Variants in COL8A1 observed in about 807,000 individuals in gnomAD.
COL8A1 encodes collagen type VIII alpha 1 chain.
Under a neutral mutation model 42.7 loss-of-function variants are expected in COL8A1, and 21 were observed. The ratio of observed to expected loss-of-function variants is 0.49; its 90% CI spans 0.35 to 0.71. The LOEUF is 0.71. Among genes scored for constraint, COL8A1 ranks in the 30% least tolerant of loss-of-function variants. The pLI is 0.01. For missense variants in COL8A1, 788 were observed against 962.4 expected (o/e 0.82, Z 2.40); for synonymous variants, 367 against 369.1 (o/e 0.99, Z 0.06).
intron 1 of COL8A1, among the ~76,000 whole-genome samples, chr3:99,724,282 C>T (rs1413672866): frequency 1.3e-5 from 2 of 152,110 alleles, no homozygotes; most frequent in African/African-American, 4.8e-5. Context: ...GCAGTGAGCA[C>T]TGTGGACAAG....
In COL8A1 at chr3:99,705,023, G is replaced by A. The variant is rs564890408; in HGVS notation, c.-128-39874G>A. Among the ~76,000 whole-genome samples the A allele has an allele frequency of 3.3e-5, 5 of 152,168 alleles. No homozygotes were observed. The South Asian group carries it at 8.3e-4, about 25-fold the overall frequency. On this transcript the variant is annotated intron_variant, in intron 1 of 3. Transcript: ENST00000652472. ...TATTGCAAGGCAGAAGAGGAGCCCA[G>A]CAAGAAATGTACCTTTCAAATTTGA... is the stretch of plus-strand genomic sequence containing the variant.
chr3:99,686,794 G>A (rs1306718217), intron 1 of COL8A1, among the ~76,000 whole-genome samples: 2 of 152,126 alleles, frequency 1.3e-5, no homozygotes, highest in East Asian at 3.9e-4. Context: ...TCCCATCTCA[G>A]CCTCCCAAGT....
At chr3:99,783,860 G>A (rs1050698617) in intron 2 of COL8A1, among the ~76,000 whole-genome samples, 4 of 152,108 alleles carry the variant, frequency 2.6e-5, no homozygotes, top group African/African-American at 7.2e-5. Flanking sequence ...CTCTCTCTAG[G>A]TCCCTCCCTT....
chr3:99,688,400 T>C (rs1939125485), intron 1 of COL8A1, among the ~76,000 whole-genome samples: 1 of 152,164 alleles, frequency 6.6e-6, no homozygotes, highest in African/African-American at 2.4e-5. Flanking sequence ...TGTGGACTCT[T>C]CTTCCAACTT....
chr3:99,646,616 G>A (rs1347605621), intron 1 of COL8A1, among the ~76,000 whole-genome samples: 1 of 152,072 alleles, frequency 6.6e-6, no homozygotes, highest in Non-Finnish European at 1.5e-5. Flanking sequence ...ACTAGGAAGG[G>A]CTCAAAGTAT....
intron 1 of COL8A1, among the ~76,000 whole-genome samples, chr3:99,708,246 G>A (rs1939738170): frequency 6.6e-6 from 1 of 152,148 alleles, no homozygotes; most frequent in South Asian, 2.1e-4. Context: ...GTGGTGAGCA[G>A]GCATCCAAGG....
intron 2 of COL8A1, among the ~76,000 whole-genome samples, chr3:99,748,958 A>T (rs1363415122): frequency 6.6e-6 from 1 of 152,216 alleles, no homozygotes; most frequent in Non-Finnish European, 1.5e-5. Flanking sequence ...CCCATTAAAC[A>T]TTATGAATGA....
At chr3:99,667,890 G>A (rs1938415303) in intron 1 of COL8A1, among the ~76,000 whole-genome samples, 1 of 151,966 alleles carries the variant, frequency 6.6e-6, no homozygotes, top group African/African-American at 2.4e-5. Context: ...TCTCCTTGTA[G>A]AAATAATGCA....
At chr3:99,784,802 C>CT (rs904371928) in intron 2 of COL8A1, among the ~76,000 whole-genome samples, 3 of 152,060 alleles carry the variant, frequency 2.0e-5, no homozygotes, top group Non-Finnish European at 2.9e-5. Flanking sequence ...GTACCTGGGA[C>CT]TTTTTTCCAG....
Position 99,794,468 on chromosome 3 carries a change from T to C in COL8A1, c.567T>C (p.Pro189=). The C allele has an allele frequency of 6.2e-7, 1 of 1,614,020 alleles. No individual in the cohort carries two copies. Among genetic ancestry groups the C allele is most frequent in the Non-Finnish European group, 8.5e-7 (1 of 1,179,972 alleles). The change falls in exon 4 of 4, where the codon CCT becomes CCC. Residue 189 remains proline, a synonymous_variant. Coordinates refer to ENST00000652472, the MANE Select transcript of COL8A1 (RefSeq NM_020351.4). This position sits in a 1 kb window ranked among gnomAD's most constrained non-coding sequence, Gnocchi z 4.3. ...GEIGQKGEIG[P]MGIPGPQGPP... ...TTGGACAGAAAGGGGAAATTGGGCC[T>C]ATGGGGATCCCAGGACCACAAGGAC...
At chr3:99,690,786 G>A (rs1205165551) in intron 1 of COL8A1, among the ~76,000 whole-genome samples, 1 of 152,200 alleles carries the variant, frequency 6.6e-6, no homozygotes, top group Admixed American at 6.5e-5. Context: ...ATGGACAGCT[G>A]TTAAAATTCA....
intron 1 of COL8A1, among the ~76,000 whole-genome samples, chr3:99,669,301 C>A (rs1938471660): frequency 6.6e-6 from 1 of 151,622 alleles, no homozygotes; most frequent in Non-Finnish European, 1.5e-5. Flanking sequence ...AGGAGATACA[C>A]TGTAAACCAA....
intron 1 of COL8A1, among the ~76,000 whole-genome samples, chr3:99,712,092 C>A (rs1176781651): frequency 6.6e-6 from 1 of 152,060 alleles, no homozygotes; most frequent in Non-Finnish European, 1.5e-5. Flanking sequence ...TAAAGTCATA[C>A]TTTGAAATTG....
At chr3:99,786,411 C>T (rs1477862735) in intron 2 of COL8A1, among the ~76,000 whole-genome samples, 1 of 152,110 alleles carries the variant, frequency 6.6e-6, no homozygotes, top group Admixed American at 6.5e-5. Context: ...AGCTCCCTTG[C>T]CCCTTTTATC....
intron 2 of COL8A1, among the ~76,000 whole-genome samples, chr3:99,750,110 G>A (rs1941114540): frequency 1.6e-5 from 2 of 123,402 alleles, no homozygotes; most frequent in African/African-American, 6.2e-5. Flanking sequence ...CGGCTGGAGT[G>A]CAGTGGCATG....
chr3:99,696,976 A>ATTTTTTTTTTTTTTTTTT (rs34865022), intron 1 of COL8A1, among the ~76,000 whole-genome samples: 1 of 88,016 alleles, frequency 1.1e-5, no homozygotes, highest in African/African-American at 4.3e-5. Context: ...ATATACACAA[A>ATTTTTTTTTTTTTTTTTT]TTTTTTTTTT....
Position 99,705,217 on chromosome 3 carries a change from G to A in COL8A1, c.-128-39680G>A, listed in dbSNP as rs547454357. On this transcript the variant is annotated intron_variant, in intron 1 of 3. Transcript: ENST00000652472. ...GAATCCCCAAGTAGTTCTGACGTAC[G>A]TCCAGGTTAGTGAATCATGTAGAAG... 8.5e-5 allele frequency among the ~76,000 whole-genome samples: 13 copies of A among 152,250 alleles called. No individual in the cohort carries two copies. In the South Asian group the frequency reaches 1.2e-3, roughly 15 times the overall value.
At chr3:99,751,599 T>C (rs1373488090) in intron 2 of COL8A1, among the ~76,000 whole-genome samples, 1 of 152,118 alleles carries the variant, frequency 6.6e-6, no homozygotes, top group African/African-American at 2.4e-5. Flanking sequence ...GTAAAATCAC[T>C]CAAAAATATC....
At chr3:99,712,789 T>A (rs924332656) in intron 1 of COL8A1, among the ~76,000 whole-genome samples, 2 of 152,122 alleles carry the variant, frequency 1.3e-5, no homozygotes, top group African/African-American at 4.8e-5. Flanking sequence ...TCTCTCCTTG[T>A]TTTATTGCTG....
Sources: allele counts gnomAD v4.1 joint callset (sites outside exome capture counted in the v4.1 genomes callset), GRCh38; gene constraint gnomAD v4.1.1; non-coding constraint Gnocchi (gnomAD v3.1); transcripts MANE v1.5; gene names NCBI Gene and HGNC (gene_info 2026-07-23, HGNC 2026-07-21).